The following CENPI variants were observed in gnomAD, a reference collection of about 807,000 sequenced individuals.
The protein encoded by CENPI is FSH primary response 1.
A neutral mutation model predicts 60.4 loss-of-function variants in CENPI; 4 were observed. That is an observed-to-expected ratio of 0.07 (90% CI 0.03 to 0.15). CENPI has a LOEUF of 0.15. Ranked by LOEUF, CENPI falls within the 10% of genes least tolerant of loss-of-function variation. The pLI, the probability that CENPI is intolerant of heterozygous loss-of-function variation, is 1.00. For missense variants in CENPI, 444 were observed against 534.5 expected (o/e 0.83, Z 1.67); for synonymous variants, 157 against 189.4 (o/e 0.83, Z 1.40).
intron 13 of CENPI, 145 bp downstream of exon 13, chrX:101,130,218 G>A: frequency 2.5e-6 from 1 of 396,087 alleles, no homozygotes; most frequent in Non-Finnish European, 4.5e-6. Flanking sequence ...TGGATCACTT[G>A]AGCCCAGGAG....
chrX:101,124,661 C>T (rs1461367969), intron 8 of CENPI, among the ~76,000 whole-genome samples: 1 of 110,972 alleles, frequency 9.0e-6, no homozygotes, highest in Non-Finnish European at 1.9e-5. Flanking sequence ...GGGCGGTTTC[C>T]CCCATGCTAT....
chrX:101,120,911 T>G, intron 8 of CENPI, 127 bp downstream of exon 8: 1 of 521,856 alleles, frequency 1.9e-6, no homozygotes, highest in Non-Finnish European at 3.1e-6. Flanking sequence ...GGTCTCACTC[T>G]GTTGCCCAGA....
At position 101,133,174 on chromosome X, in the gene CENPI, C is replaced by T. The variant is rs374064790; in HGVS notation, c.1470+718C>T. ...TAGCGTTTGTCGTAATTGAATGGCA[C>T]TTGATTAATTACCTATCATATTAAC... is the stretch of plus-strand genomic sequence containing the variant. On this transcript the variant is annotated intron_variant, in intron 15 of 21. Transcript: ENST00000682095. Among the ~76,000 whole-genome samples, 7 of 110,675 alleles carry T rather than the reference C, an allele frequency of 6.3e-5. No homozygotes were observed. The East Asian group carries it at 2.0e-3, about 31-fold the overall frequency.
At chrX:101,105,623 G>A (rs1038201154) in intron 4 of CENPI, among the ~76,000 whole-genome samples, 3 of 111,292 alleles carry the variant, frequency 2.7e-5, no homozygotes, top group African/African-American at 9.8e-5. Flanking sequence ...TGTCCAGACT[G>A]CAGTGCAGTG....
chrX:101,121,280 GAATT>G (rs968698758), intron 8 of CENPI, among the ~76,000 whole-genome samples: 2 of 110,504 alleles, frequency 1.8e-5, no homozygotes, highest in Non-Finnish European at 3.8e-5. Flanking sequence ...ATGCTTGAGA[GAATT>G]ATTTATTTTA....
At chrX:101,120,229 GT>G (rs773920917) in intron 6 of CENPI, among the ~76,000 whole-genome samples, 172 bp from the exon 7 acceptor site, 3 of 111,369 alleles carry the variant, frequency 2.7e-5, no homozygotes, top group Non-Finnish European at 5.7e-5. Context: ...TAAAACTATT[GT>G]TTTTTTATCA....
intron 20 of CENPI, among the ~76,000 whole-genome samples, chrX:101,161,060 T>C (rs1287962818): frequency 8.9e-6 from 1 of 112,531 alleles, no homozygotes; most frequent in Non-Finnish European, 1.9e-5. Context: ...TACTATCTTA[T>C]GTTTATAAAA....
At chrX:101,180,588 A>T in the CENPI span, among the ~76,000 whole-genome samples, 2 of 112,270 alleles carry the variant, frequency 1.8e-5, no homozygotes, top group Non-Finnish European at 3.8e-5. Context: ...TAATGCACAA[A>T]CTATTTAGAT....
intron 15 of CENPI, among the ~76,000 whole-genome samples, chrX:101,134,508 C>T (rs778347389): frequency 1.8e-5 from 2 of 111,357 alleles, no homozygotes; most frequent in South Asian, 7.5e-4. Flanking sequence ...ATTAAGGGCC[C>T]AGCAGAAGTT....
At chrX:101,113,906 G>A (rs1364233744) in intron 6 of CENPI, among the ~76,000 whole-genome samples, 1 of 111,896 alleles carries the variant, frequency 8.9e-6, no homozygotes, top group Non-Finnish European at 1.9e-5. Flanking sequence ...CTTCCATCAT[G>A]TTATTGAATC....
chrX:101,111,552 T>C (rs185883684), intron 6 of CENPI, among the ~76,000 whole-genome samples: 2 of 111,353 alleles, frequency 1.8e-5, no homozygotes, highest in Admixed American at 1.9e-4. Context: ...CTAATTTCAC[T>C]TAATGTCAAA....
intron 2 of CENPI, chrX:101,098,953 C>G (rs771222547): frequency 6.3e-5 from 7 of 111,804 alleles, no homozygotes; most frequent in African/African-American, 2.3e-4. Flanking sequence ...AACTTAGTCC[C>G]TGGCTACGTT....
At chrX:101,102,155 TG>T in intron 3 of CENPI, 118 bp from the exon 4 acceptor site, 1 of 510,947 alleles carries the variant, frequency 2.0e-6, no homozygotes, top group Non-Finnish European at 3.0e-6. Context: ...ATTACAGATG[TG>T]GGTCACCACG....
At chrX:101,108,198 C>T (rs181509803) in intron 4 of CENPI, among the ~76,000 whole-genome samples, 8 of 111,426 alleles carry the variant, frequency 7.2e-5, no homozygotes, top group African/African-American at 1.3e-4. Flanking sequence ...CGTCAGCCTC[C>T]CAAGTAACTG....
chrX:101,121,731 G>A (rs1341165101), intron 8 of CENPI, among the ~76,000 whole-genome samples: 2 of 109,914 alleles, frequency 1.8e-5, no homozygotes, highest in African/African-American at 6.6e-5. Flanking sequence ...GGGTTGGTAT[G>A]GCTGGAACAG....
intron 6 of CENPI, among the ~76,000 whole-genome samples, chrX:101,116,644 G>A (rs2089626474): frequency 9.0e-6 from 1 of 111,478 alleles, no homozygotes; most frequent in Non-Finnish European, 1.9e-5. Flanking sequence ...TTGAGTATTG[G>A]TATATAAATA....
rs762474334 is a variant in CENPI, at chrX:101,131,608, T to C, written c.1288-582T>C. ...GGACCCCTCATGTTAAAAGTGGTTT[T>C]AGCTATGATATGGATGAGATTGTCC... is the stretch of plus-strand genomic sequence containing the variant. On this transcript the variant is annotated intron_variant, in intron 13 of 21. Transcript: ENST00000682095. Among the ~76,000 whole-genome samples, 5 of 111,544 alleles carry C rather than the reference T, an allele frequency of 4.5e-5. No homozygotes were observed. In the South Asian group the frequency reaches 1.9e-3, roughly 42 times the overall value.
At chrX:101,143,548 T>TATATATATATAC (rs1214018944) in intron 16 of CENPI, among the ~76,000 whole-genome samples, 1 of 112,717 alleles carries the variant, frequency 8.9e-6, no homozygotes, top group East Asian at 2.8e-4. Flanking sequence ...TATTTTGAGA[T>TATATATATATAC]GGAGTCTCAC....
intron 16 of CENPI, among the ~76,000 whole-genome samples, chrX:101,144,111 A>G (rs1440631045): frequency 4.5e-4 from 36 of 80,240 alleles, no homozygotes; most frequent in Non-Finnish European, 6.2e-4. Context: ...TTTTTGAGAC[A>G]GGGTCTTGTT....
Sources: allele counts gnomAD v4.1 joint callset (sites outside exome capture counted in the v4.1 genomes callset), GRCh38; gene constraint gnomAD v4.1.1; transcripts MANE v1.5; gene names NCBI Gene and HGNC (gene_info 2026-07-23, HGNC 2026-07-21).